Variants in KLHL5 observed in about 807,000 individuals in gnomAD.
The protein encoded by KLHL5 is kelch-like protein 5.
In KLHL5, 48 loss-of-function variants were observed where a neutral mutation model predicts 77.7. The ratio of observed to expected loss-of-function variants is 0.62; its 90% CI spans 0.49 to 0.79. The LOEUF is 0.79. Ranked by LOEUF, KLHL5 falls within the 30% of genes least tolerant of loss-of-function variation. The pLI, the probability that KLHL5 is intolerant of heterozygous loss-of-function variation, is 0.00. For synonymous variants in KLHL5, 260 were observed against 297.0 expected (o/e 0.88, Z 1.28); for missense variants, 723 against 859.7 (o/e 0.84, Z 1.99).
chr4:39,142,258 G>A, the KLHL5 span, among the ~76,000 whole-genome samples: 1 of 152,036 alleles, frequency 6.6e-6, no homozygotes, highest in Non-Finnish European at 1.5e-5. Context: ...AGCTGGGCGT[G>A]GTGGCGGGCG....
chr4:39,104,778 T>C (rs1176106217), intron 7 of KLHL5, among the ~76,000 whole-genome samples: 2 of 152,200 alleles, frequency 1.3e-5, no homozygotes, highest in Admixed American at 6.5e-5. Flanking sequence ...AACTTTTTTT[T>C]TTTTTTGAGA....
chr4:39,068,862 C>T (rs1008867911), intron 1 of KLHL5, among the ~76,000 whole-genome samples: 2 of 152,162 alleles, frequency 1.3e-5, no homozygotes, highest in Admixed American at 6.5e-5. Flanking sequence ...TACGTAACTA[C>T]ATAACTTGCT....
intron 5 of KLHL5, chr4:39,093,337 A>T: frequency 2.2e-6 from 1 of 451,954 alleles, no homozygotes; most frequent in East Asian, 6.9e-5. Flanking sequence ...CTTGGGAGAG[A>T]AGATGGGAAT....
At chr4:39,103,240 T>C (rs545018247) in intron 6 of KLHL5, 47 bp from the exon 7 acceptor site, 24 of 1,304,280 alleles carry the variant, frequency 1.8e-5, no homozygotes, top group Non-Finnish European at 2.3e-5. Flanking sequence ...AAATTACCAA[T>C]CATGGTATAA....
At chr4:39,113,704 A>G (rs777844486) in intron 9 of KLHL5, among the ~76,000 whole-genome samples, 1 of 152,214 alleles carries the variant, frequency 6.6e-6, no homozygotes, top group Non-Finnish European at 1.5e-5. Context: ...CCCATTTATT[A>G]TGTTTAGTCT....
intron 8 of KLHL5, 35 bp downstream of exon 8, chr4:39,107,766 A>G (rs751106392): frequency 2.0e-6 from 3 of 1,509,482 alleles, no homozygotes; most frequent in Non-Finnish European, 2.7e-6. Flanking sequence ...TTAAAATGCA[A>G]TACACCAAAT....
chr4:39,092,916 C>T (rs1432088571), intron 5 of KLHL5, among the ~76,000 whole-genome samples: 5 of 152,142 alleles, frequency 3.3e-5, no homozygotes, highest in Non-Finnish European at 2.9e-5. Context: ...GAATGTAAGA[C>T]GGGGCTGCCA....
At chr4:39,096,563 T>A (rs1214563851) in intron 5 of KLHL5, 129 bp from the exon 6 acceptor site, 1 of 623,360 alleles carries the variant, frequency 1.6e-6, no homozygotes, top group Non-Finnish European at 2.8e-6. Context: ...ATATTTTAGT[T>A]AAAAATATGT....
intron 1 of KLHL5, among the ~76,000 whole-genome samples, chr4:39,054,166 C>T (rs1212847369): frequency 6.6e-6 from 1 of 152,200 alleles, no homozygotes; most frequent in Non-Finnish European, 1.5e-5. Context: ...TCCAAGTCAA[C>T]TATACTCTCA....
At chr4:39,139,099 T>TTTTA in the KLHL5 span, among the ~76,000 whole-genome samples, 1 of 151,998 alleles carries the variant, frequency 6.6e-6, no homozygotes, top group Non-Finnish European at 1.5e-5. Context: ...CTGTCCAACA[T>TTTTA]GGTGAAACCC....
chr4:39,045,949 A>G (rs879884928), intron 1 of KLHL5, among the ~76,000 whole-genome samples: 2 of 151,782 alleles, frequency 1.3e-5, no homozygotes, highest in Non-Finnish European at 2.9e-5. Flanking sequence ...CTGGTGCTAA[A>G]TAAATGTTGA....
chr4:39,047,126 T>C (rs961104604), intron 1 of KLHL5, among the ~76,000 whole-genome samples: 20 of 151,986 alleles, frequency 1.3e-4, no homozygotes, highest in African/African-American at 4.3e-4. Flanking sequence ...CCTAGAAAAA[T>C]AGATGAATTA....
chr4:39,111,487 TGTG>T (rs1347927737), intron 8 of KLHL5, among the ~76,000 whole-genome samples: 1 of 152,154 alleles, frequency 6.6e-6, no homozygotes, highest in African/African-American at 2.4e-5. Flanking sequence ...TAAAGCCTAT[TGTG>T]TGTGGGTATG....
Position 39,123,046 on chromosome 4 carries a change from A to AGAT in KLHL5, c.*1983_*1985dup, listed in dbSNP as rs1362418747. Among the ~76,000 whole-genome samples the AGAT allele has an allele frequency of 6.6e-6, 1 of 152,222 alleles. No homozygotes were observed. Among genetic ancestry groups the AGAT allele is most frequent in the African/African-American group, 2.4e-5 (1 of 41,464 alleles). On this transcript the variant is annotated 3_prime_UTR_variant, in exon 11 of 11. Coordinates refer to ENST00000504108, the MANE Select transcript of KLHL5 (RefSeq NM_015990.5). The stretch of plus-strand genomic sequence containing the variant: ...ATATATTTCAAGTTTTATACATATT[A>AGAT]GATGAATTGCATGGTATTTTAGGCA...
At chr4:39,048,705 A>C (rs35756862) in intron 1 of KLHL5, among the ~76,000 whole-genome samples, 1 of 140,770 alleles carries the variant, frequency 7.1e-6, no homozygotes, top group Non-Finnish European at 1.5e-5. Flanking sequence ...GTTCAATGGC[A>C]TGATCTCAGC....
intron 10 of KLHL5, among the ~76,000 whole-genome samples, chr4:39,118,134 G>A (rs1344357786): frequency 2.1e-5 from 3 of 143,318 alleles, no homozygotes; most frequent in Non-Finnish European, 4.6e-5. Flanking sequence ...AAATGATGAT[G>A]ATAGAAAGTT....
At chr4:39,107,855 C>G in intron 8 of KLHL5, 124 bp downstream of exon 8, 1 of 643,922 alleles carries the variant, frequency 1.6e-6, no homozygotes, top group Non-Finnish European at 2.5e-6. Context: ...AAAACAATGT[C>G]TCTTTCTATA....
chr4:39,052,481 G>A (rs1415437066), intron 1 of KLHL5, among the ~76,000 whole-genome samples: 8 of 152,170 alleles, frequency 5.3e-5, no homozygotes, highest in African/African-American at 1.9e-4. Flanking sequence ...AGCCTGGAAA[G>A]GCAGGCAAAG....
downstream of KLHL5, among the ~76,000 whole-genome samples, chr4:39,129,564 T>C (rs1723721000): frequency 6.6e-6 from 1 of 152,154 alleles, no homozygotes; most frequent in Non-Finnish European, 1.5e-5. The surrounding 1 kb of genome is among the most constrained non-coding windows in gnomAD (Gnocchi z 4.2). Context: ...CATAGGTATA[T>C]TGTGTGATGC....
Sources: allele counts gnomAD v4.1 joint callset (sites outside exome capture counted in the v4.1 genomes callset), GRCh38; gene constraint gnomAD v4.1.1; non-coding constraint Gnocchi (gnomAD v3.1); transcripts MANE v1.5; gene names NCBI Gene and HGNC (gene_info 2026-07-23, HGNC 2026-07-21).